CC2D2A: variants seen among roughly 807,000 people sequenced by gnomAD.
The protein encoded by CC2D2A is coiled-coil and C2 domain containing 2A.
In CC2D2A, 155 loss-of-function variants were observed where a neutral mutation model predicts 212.9. The ratio of observed to expected loss-of-function variants is 0.73; its 90% CI spans 0.64 to 0.83. The LOEUF is 0.83. CC2D2A is among the 40% of genes least tolerant of loss of function. CC2D2A has a pLI of 0.00. For synonymous variants in CC2D2A, 667 were observed against 686.5 expected, an observed-to-expected ratio of 0.97 and a Z score of 0.44; for missense variants, 1,856 against 1,956.2, an observed-to-expected ratio of 0.95 and a Z score of 0.97.
chr4:15,519,542 C>T (rs1717088137), intron 11 of CC2D2A: 1 of 447,068 alleles, frequency 2.2e-6, no homozygotes, highest in Non-Finnish European at 4.5e-6. Context: ...TTGTATTAGT[C>T]CATTTTCATG....
At chr4:15,506,516 C>T (rs1452132312) in intron 6 of CC2D2A, among the ~76,000 whole-genome samples, 1 of 152,176 alleles carries the variant, frequency 6.6e-6, no homozygotes, top group African/African-American at 2.4e-5. Flanking sequence ...TCATCATCTT[C>T]ACAGATCTCT....
Position 15,601,367 on chromosome 4 carries a change from AC to A in CC2D2A, c.4809del (p.Asn1605MetfsTer27). On this transcript the variant is annotated frameshift_variant, in exon 37 of 37. Transcript: ENST00000424120. LOFTEE classifies it high-confidence loss of function. The stretch of plus-strand genomic sequence containing the variant: ...GCTTTAGCTGTATACATACACCCAT[AC>A]CCCAAAAATGTTTTGTCTGTTTGGA... ...EFALAVYIHPYPKNVLSVWIY... is the reference protein window; with the variant it reads ...EFALAVYIHPXPKNVLSVWIY... 1 of 1,587,290 alleles carries A rather than the reference AC, an allele frequency of 6.3e-7. No homozygotes were observed. Among genetic ancestry groups the A allele is most frequent in the Non-Finnish European group, 8.6e-7 (1 of 1,164,396 alleles).
At chr4:15,564,082 G>A (rs529894151) in intron 24 of CC2D2A, 1 of 153,272 alleles carries the variant, frequency 6.5e-6, no homozygotes, top group South Asian at 2.1e-4. Flanking sequence ...AAACATATGT[G>A]CTGTGAACAT....
At chr4:15,586,990 A>C (rs1328234279) in intron 31 of CC2D2A, among the ~76,000 whole-genome samples, 1 of 152,240 alleles carries the variant, frequency 6.6e-6, no homozygotes, top group Non-Finnish European at 1.5e-5. Context: ...TGAGACATCT[A>C]TAAGAAGTTA....
At chr4:15,584,098 G>A (rs1720765714) in intron 30 of CC2D2A, among the ~76,000 whole-genome samples, 1 of 151,738 alleles carries the variant, frequency 6.6e-6, no homozygotes, top group Admixed American at 6.6e-5. Flanking sequence ...GCAATCTACA[G>A]ATTCAATGCA....
intron 20 of CC2D2A, 130 bp from the exon 21 acceptor site, chr4:15,557,174 T>C: frequency 1.7e-6 from 1 of 576,218 alleles, no homozygotes; most frequent in Non-Finnish European, 3.1e-6. Context: ...ATTATTATTA[T>C]ATTTTAAAGT....
chr4:15,555,008 T>C, intron 19 of CC2D2A, 64 bp from the exon 20 acceptor site: 2 of 1,520,418 alleles, frequency 1.3e-6, no homozygotes, highest in Non-Finnish European at 9.0e-7. Context: ...CTCTAGAATT[T>C]GAGGTCCTGA....
In CC2D2A at chr4:15,527,481, T is replaced by C; in HGVS notation, c.1184T>C (p.Ile395Thr). ...TACGTTCACAGTAGTCAGCATGTGA[T>C]CAGATCTGGAGACCCTCCTGGAAAT... is the stretch of plus-strand genomic sequence containing the variant. ...VKYVHSSQHV[I>T]RSGDPPGNFQ... The change falls in exon 12 of 37, where the codon ATC becomes ACC. Residue 395 changes from isoleucine to threonine, a missense_variant. Physicochemically the swap from Ile to Thr is moderately conservative, Grantham distance 89. Coordinates refer to ENST00000424120, the MANE Select transcript of CC2D2A (RefSeq NM_001378615.1). The C allele has an allele frequency of 6.2e-7, 1 of 1,613,644 alleles. No individual in the cohort carries two copies.
intron 6 of CC2D2A, among the ~76,000 whole-genome samples, chr4:15,506,450 T>G (rs564464572): frequency 6.6e-6 from 1 of 152,324 alleles, no homozygotes; most frequent in African/African-American, 2.4e-5. Flanking sequence ...GAATTTAACC[T>G]AATTATTTTC....
intron 29 of CC2D2A, 62 bp downstream of exon 29, chr4:15,574,388 G>A: frequency 2.3e-6 from 3 of 1,309,700 alleles, no homozygotes; most frequent in Non-Finnish European, 2.1e-6. Context: ...ATGCTTGCTA[G>A]GCTATACTTT....
intron 4 of CC2D2A, among the ~76,000 whole-genome samples, chr4:15,487,652 G>A (rs73235011): frequency 0.021 from 3,221 of 151,808 alleles, 109 homozygotes; most frequent in African/African-American, 0.074. Flanking sequence ...TATATTCAAC[G>A]TCATTATTCA....
chr4:15,590,067 T>C (rs565113817), intron 33 of CC2D2A, among the ~76,000 whole-genome samples: 8 of 152,312 alleles, frequency 5.3e-5, no homozygotes, highest in South Asian at 2.1e-4. Flanking sequence ...CCTGAACAGA[T>C]TGGGTTTCTC....
At chr4:15,526,574 ACATTAT>A (rs1338412111) in intron 11 of CC2D2A, among the ~76,000 whole-genome samples, 2 of 152,242 alleles carry the variant, frequency 1.3e-5, no homozygotes, top group Admixed American at 6.5e-5. Context: ...CACTTATGCC[ACATTAT>A]CATTATCATA....
chr4:15,591,447 G>A (rs966357380), intron 33 of CC2D2A, among the ~76,000 whole-genome samples: 13 of 151,956 alleles, frequency 8.6e-5, no homozygotes, highest in Admixed American at 2.6e-4. Flanking sequence ...TTGAGCTCCC[G>A]ACCTCAGGTG....
intron 1 of CC2D2A, among the ~76,000 whole-genome samples, chr4:15,472,357 T>C (rs986570318): frequency 1.3e-4 from 20 of 152,198 alleles, no homozygotes; most frequent in Admixed American, 2.6e-4. Flanking sequence ...TATTTTGATG[T>C]TGCCAGTAGG....
chr4:15,521,785 T>A (rs1717218063), intron 11 of CC2D2A, among the ~76,000 whole-genome samples: 1 of 152,238 alleles, frequency 6.6e-6, no homozygotes, highest in African/African-American at 2.4e-5. Context: ...AGAAATTCCT[T>A]CTTTTCTATG....
Position 15,557,328 on chromosome 4 carries a change from G to A in CC2D2A, c.2650G>A (p.Val884Ile). ...ISVATSGESYVPDFFRLEQLQ... is the reference protein window; with the variant it reads ...ISVATSGESYIPDFFRLEQLQ... The stretch of plus-strand genomic sequence containing the variant: ...GGTTGCTACCAGTGGTGAATCCTAT[G>A]TCCCTGATTTCTTTAGACTGGAGCA... The change falls in exon 21 of 37, where the codon GTC becomes ATC. Residue 884 changes from valine (V) to isoleucine (I), a missense_variant. By Grantham distance (29) the Val-to-Ile change is conservative. Transcript: ENST00000424120. 1 of 1,613,140 alleles carries A rather than the reference G, an allele frequency of 6.2e-7. No individual in the cohort carries two copies. Among genetic ancestry groups the A allele is most frequent in the South Asian group, 1.1e-5 (1 of 90,948 alleles).
At chr4:15,544,583 G>T (rs966745706) in intron 17 of CC2D2A, among the ~76,000 whole-genome samples, 11 of 152,156 alleles carry the variant, frequency 7.2e-5, no homozygotes, top group African/African-American at 2.7e-4. Flanking sequence ...CAGGTGCCCA[G>T]CCATGCCTCC....
At chr4:15,598,691 G>C (rs1056093820) in intron 35 of CC2D2A, among the ~76,000 whole-genome samples, 3 of 152,052 alleles carry the variant, frequency 2.0e-5, no homozygotes, top group East Asian at 1.9e-4. Context: ...AGGCAATTTA[G>C]AAAAAAATTA....
Sources: allele counts gnomAD v4.1 joint callset (sites outside exome capture counted in the v4.1 genomes callset), GRCh38; gene constraint gnomAD v4.1.1; transcripts MANE v1.5; gene names NCBI Gene and HGNC (gene_info 2026-07-23, HGNC 2026-07-21).